AKAP14: variants seen among roughly 807,000 people sequenced by gnomAD.
AKAP14 encodes the protein A-kinase anchor protein 14.
AKAP14 carries 4 observed loss-of-function variants against 17.0 expected under a neutral mutation model. That is an observed-to-expected ratio of 0.23 (90% CI 0.12 to 0.54). The LOEUF (loss-of-function observed/expected upper bound fraction) is 0.54, where lower values mean the gene tolerates loss of function less well. AKAP14 is among the 20% of genes least tolerant of loss of function. The probability of loss-of-function intolerance (pLI) is 0.95; values close to 1 mark genes in which losing one functional copy is unlikely to be tolerated. For missense variants in AKAP14, 129 were observed against 150.9 expected, an observed-to-expected ratio of 0.85 and a Z score of 0.76; for synonymous variants, 42 against 51.3, an observed-to-expected ratio of 0.82 and a Z score of 0.77.
chrX:119,899,062 G>A (rs1603377013), intron 2 of AKAP14, among the ~76,000 whole-genome samples: 1 of 107,266 alleles, frequency 9.3e-6, no homozygotes, highest in Admixed American at 1.0e-4. Context: ...AGCTACTCGG[G>A]AGGCTGAGGC....
chrX:119,918,760 C>T (rs776616795), intron 5 of AKAP14, among the ~76,000 whole-genome samples: 2 of 111,896 alleles, frequency 1.8e-5, no homozygotes, highest in South Asian at 7.4e-4. Flanking sequence ...GGGGAAGGGT[C>T]GTCAGAGGAG....
chrX:119,913,123 AAAATAAATAAAT>A (rs766878681), intron 4 of AKAP14, among the ~76,000 whole-genome samples: 13 of 98,096 alleles, frequency 1.3e-4, no homozygotes, highest in Admixed American at 2.4e-4. Context: ...CCTGGTCTCT[AAAATAAATAAAT>A]AAATAAATAA....
At chrX:119,913,026 G>T (rs1227876105) in intron 4 of AKAP14, among the ~76,000 whole-genome samples, 2 of 109,986 alleles carry the variant, frequency 1.8e-5, no homozygotes, top group African/African-American at 6.6e-5. Context: ...GGTGGCTCAT[G>T]CCTGTAATCC....
intron 4 of AKAP14, among the ~76,000 whole-genome samples, chrX:119,905,302 G>A (rs1051299944): frequency 4.5e-5 from 5 of 111,994 alleles, no homozygotes; most frequent in African/African-American, 6.5e-5. Flanking sequence ...GCCACTCACC[G>A]TTCTCATTAG....
intron 2 of AKAP14, among the ~76,000 whole-genome samples, chrX:119,902,985 C>T (rs1053810058): frequency 8.9e-6 from 1 of 112,326 alleles, no homozygotes; most frequent in Non-Finnish European, 1.9e-5. Flanking sequence ...GCCACCGCGC[C>T]GGGCCTCATT....
chrX:119,903,319 C>G lies in AKAP14; in HGVS notation c.96C>G (p.Tyr32Ter). ...TGCCGAATACACAAGACAAGAACTA[C>G]GAGGATGAATTGACTCAAGTAGCTC... ...QTMPNTQDKNYEDELTQVALA... is the reference protein window; with the variant it reads ...QTMPNTQDKN The change falls in exon 3 of 7, where the codon TAC becomes TAG. Residue 32 changes from tyrosine to a stop codon, truncating the protein, a stop_gained. Transcript: ENST00000371431. LOFTEE classifies it high-confidence loss of function. 1 of 1,211,821 alleles carries G rather than the reference C, an allele frequency of 8.3e-7. No homozygotes were observed. The highest frequency in any genetic ancestry group is 1.1e-6 in the Non-Finnish European group (1 of 895,538).
chrX:119,916,889 T>C (rs2056662145), intron 5 of AKAP14, among the ~76,000 whole-genome samples: 1 of 99,298 alleles, frequency 1.0e-5, no homozygotes, highest in African/African-American at 3.6e-5. Context: ...GGGCAGATCA[T>C]GAGGTCAGGA....
At position 119,917,545 on chromosome X, in the gene AKAP14, C is replaced by T. The variant is rs188405916; in HGVS notation, c.442-2366C>T. On this transcript the variant is annotated intron_variant, in intron 5 of 6. Transcript: ENST00000371431. ...GCTTGAACCCAGGAGGTGGAGGTTG[C>T]GGTGAGCTGAGATCATGCCATTGCA... is the stretch of plus-strand genomic sequence containing the variant. Among the ~76,000 whole-genome samples, 676 of 110,704 alleles carry T rather than the reference C, an allele frequency of 6.1e-3. 9 individuals are homozygous for T. The highest frequency in any genetic ancestry group is 0.021 in the African/African-American group (651 of 30,496).
intron 4 of AKAP14, among the ~76,000 whole-genome samples, chrX:119,904,298 T>G (rs767370462): frequency 1.8e-4 from 20 of 111,834 alleles, no homozygotes; most frequent in African/African-American, 3.6e-4. Context: ...TCAAAAGACT[T>G]TTTGATTTGG....
At position 119,920,484 on chromosome X, in the gene AKAP14, GTGTT is replaced by G; in HGVS notation, c.495-18_495-15del. 2 of 1,131,560 alleles carry G rather than the reference GTGTT, an allele frequency of 1.8e-6. No homozygotes were observed. Among genetic ancestry groups the G allele is most frequent in the Non-Finnish European group, 2.4e-6 (2 of 827,525 alleles). The allele number at this position is 1,131,560 out of a possible 1,213,427, so 93.3% of individuals were successfully genotyped here. On this transcript the variant is annotated intron_variant, in intron 6 of 6. Coordinates refer to ENST00000371431, the MANE Select transcript of AKAP14 (RefSeq NM_178813.6). ...CTTTTGATTTAAAAATACTTTAAAA[GTGTT>G]TGTTTTTCTTCCTTTGTAGACCAGG...
Position 119,918,052 on chromosome X carries a change from C to T in AKAP14, c.442-1859C>T, listed in dbSNP as rs143244137. Among the ~76,000 whole-genome samples, 5 of 111,759 alleles carry T rather than the reference C, an allele frequency of 4.5e-5. No individual in the cohort carries two copies. In the East Asian group the frequency reaches 1.4e-3, roughly 31 times the overall value. ...TCTGGCCATTCTGATCTTGCTTCTC[C>T]TCAAATAAGTCAGGTATAGTCCTGC... On this transcript the variant is annotated intron_variant, in intron 5 of 6. Transcript: ENST00000371431.
chrX:119,902,261 A>T (rs776168733), intron 2 of AKAP14, among the ~76,000 whole-genome samples: 1 of 109,434 alleles, frequency 9.1e-6, no homozygotes, highest in Non-Finnish European at 1.9e-5. Context: ...TTTTTAGTAG[A>T]GACGAGGTTT....
intron 5 of AKAP14, among the ~76,000 whole-genome samples, chrX:119,918,166 TCA>T (rs1359332650): frequency 3.6e-5 from 4 of 112,584 alleles, no homozygotes; most frequent in Non-Finnish European, 7.5e-5. Context: ...CCTCTTTCAC[TCA>T]CTTTCCTATG....
chrX:119,914,983 T>A, intron 5 of AKAP14, 105 bp downstream of exon 5: 1 of 854,133 alleles, frequency 1.2e-6, no homozygotes, highest in Non-Finnish European at 1.7e-6. Flanking sequence ...ATAGTCATAC[T>A]TCTGTCCTCA....
intron 4 of AKAP14, 84 bp downstream of exon 4, chrX:119,903,670 T>C (rs2056581669): frequency 8.5e-7 from 1 of 1,178,312 alleles, no homozygotes. Flanking sequence ...GTTTGAAGTC[T>C]GGAAAATCTA....
intron 4 of AKAP14, among the ~76,000 whole-genome samples, chrX:119,908,467 A>G (rs2056610540): frequency 9.3e-6 from 1 of 107,644 alleles, no homozygotes; most frequent in African/African-American, 3.5e-5. Flanking sequence ...AGACAGTTAA[A>G]ATTACTTTTA....
chrX:119,920,446 T>C (rs2056682772), intron 6 of AKAP14, 62 bp from the exon 7 acceptor site: 1 of 962,249 alleles, frequency 1.0e-6, no homozygotes, highest in African/African-American at 1.9e-5. Context: ...TCCCCTTTGT[T>C]TGATTTTAAA....
At chrX:119,905,655 G>A (rs1226220868) in intron 4 of AKAP14, among the ~76,000 whole-genome samples, 4 of 110,455 alleles carry the variant, frequency 3.6e-5, no homozygotes, top group African/African-American at 1.3e-4. Flanking sequence ...GCCGTTCCTC[G>A]ACTGCCAGGC....
chrX:119,903,537 G>A lies in AKAP14; in HGVS notation c.212G>A (p.Gly71Asp). The A allele has an allele frequency of 8.3e-7, 1 of 1,211,847 alleles. No individual in the cohort carries two copies. Among genetic ancestry groups the A allele is most frequent in the Non-Finnish European group, 1.1e-6 (1 of 895,575 alleles). ...PLKNIKWMTH[G>D]EFTVEKGLKQ... is the part of the protein sequence containing the mutation. ...AAAAACATCAAGTGGATGACTCACG[G>A]TGAATTCACTGTGGAAAAGGGTCTT... Residue 71 changes from glycine (G) to aspartate (D), a missense_variant, in exon 4 of 7, where the codon GGT becomes GAT. Physicochemically the swap from Gly to Asp is moderately conservative, Grantham distance 94. Coordinates refer to ENST00000371431, the MANE Select transcript of AKAP14 (RefSeq NM_178813.6).
Sources: allele counts gnomAD v4.1 joint callset (sites outside exome capture counted in the v4.1 genomes callset), GRCh38; gene constraint gnomAD v4.1.1; transcripts MANE v1.5; gene names NCBI Gene and HGNC (gene_info 2026-07-23, HGNC 2026-07-21).